Variants in NOS1AP observed in about 807,000 individuals in gnomAD.
NOS1AP encodes carboxyl-terminal PDZ ligand of neuronal nitric oxide synthase protein.
In NOS1AP, 21 loss-of-function variants were observed where a neutral mutation model predicts 56.2. That is an observed-to-expected ratio of 0.37 (90% CI 0.26 to 0.54). The LOEUF is 0.54. Among genes scored for constraint, NOS1AP ranks in the 20% least tolerant of loss-of-function variants. NOS1AP has a pLI of 0.84. For missense variants in NOS1AP, 522 were observed against 657.8 expected (o/e 0.79, Z 2.26); for synonymous variants, 270 against 274.6 (o/e 0.98, Z 0.17).
intron 6 of NOS1AP, among the ~76,000 whole-genome samples, chr1:162,346,532 T>G (rs1439935435): frequency 6.6e-6 from 1 of 152,222 alleles, no homozygotes; most frequent in African/African-American, 2.4e-5. Context: ...TAGGTATATA[T>G]GTATACACAT....
intron 1 of NOS1AP, among the ~76,000 whole-genome samples, chr1:162,145,101 A>C (rs1255131606): frequency 6.6e-6 from 1 of 152,220 alleles, no homozygotes; most frequent in Non-Finnish European, 1.5e-5. Flanking sequence ...ACACAGTTGC[A>C]TCAGATGGCC....
chr1:162,367,699 T>C lies in NOS1AP; in HGVS notation c.*232T>C. 1.8e-6 allele frequency: 1 copy of C among 567,902 alleles called. No homozygotes were observed. Among genetic ancestry groups the C allele is most frequent in the South Asian group, 2.2e-5 (1 of 45,968 alleles). 35.2% of individuals were successfully genotyped at this position (567,902 alleles called of 1,614,324 possible). On this transcript the variant is annotated 3_prime_UTR_variant, in exon 10 of 10. Coordinates refer to ENST00000361897, the MANE Select transcript of NOS1AP (RefSeq NM_014697.3). This position sits in a 1 kb window ranked among gnomAD's most constrained non-coding sequence, Gnocchi z 6.5. ...TCCTCTCCTACTTGTGACTAGAGGG[T>C]GGTGGAGGTAAGGCCTTCCAGAGCC...
intron 2 of NOS1AP, among the ~76,000 whole-genome samples, chr1:162,166,728 A>G (rs780401855): frequency 3.3e-5 from 5 of 152,198 alleles, no homozygotes; most frequent in Non-Finnish European, 7.3e-5. Flanking sequence ...AAAATGGACA[A>G]TGTCAACCCT....
intron 1 of NOS1AP, among the ~76,000 whole-genome samples, chr1:162,091,105 A>G (rs964090903): frequency 3.3e-5 from 5 of 151,994 alleles, no homozygotes; most frequent in African/African-American, 1.2e-4. Flanking sequence ...TTCTGTTTCC[A>G]TCTCTCTCTT....
chr1:162,301,575 C>A (rs1430445589), intron 4 of NOS1AP, among the ~76,000 whole-genome samples: 1 of 152,166 alleles, frequency 6.6e-6, no homozygotes, highest in Non-Finnish European at 1.5e-5. Context: ...TAGATGGCTG[C>A]CAACCATGTG....
At chr1:162,294,774 G>A (rs1177600818) in intron 3 of NOS1AP, among the ~76,000 whole-genome samples, 1 of 152,190 alleles carries the variant, frequency 6.6e-6, no homozygotes, top group African/African-American at 2.4e-5. Context: ...AGGAGTAAGA[G>A]AAAGGAGTTA....
rs1455457364 is a variant in NOS1AP, at chr1:162,368,996, A to G, written c.*1529A>G. 6.6e-6 allele frequency: 1 copy of G among 152,230 alleles called. No homozygotes were observed. Among genetic ancestry groups the G allele is most frequent in the Non-Finnish European group, 1.5e-5 (1 of 68,038 alleles). The allele number at this position is 152,230 out of a possible 1,614,324, so 9.4% of individuals were successfully genotyped here. Reference sequence around the variant, plus strand: ...TTGTAGCCCAGAAAGTCCAAATTAAAGGAAATAAATTCAGTTTTATGTTAG... The same window carrying G: ...TTGTAGCCCAGAAAGTCCAAATTAAGGGAAATAAATTCAGTTTTATGTTAG... On this transcript the variant is annotated 3_prime_UTR_variant, in exon 10 of 10. Transcript: ENST00000361897.
At chr1:162,089,592 G>A (rs1463687594) in intron 1 of NOS1AP, among the ~76,000 whole-genome samples, 1 of 152,104 alleles carries the variant, frequency 6.6e-6, no homozygotes, top group Non-Finnish European at 1.5e-5. Flanking sequence ...ATGTGATTAA[G>A]TTTAGGATCT....
chr1:162,362,294 T>A (rs1326645437), intron 8 of NOS1AP, among the ~76,000 whole-genome samples: 1 of 151,994 alleles, frequency 6.6e-6, no homozygotes, highest in Non-Finnish European at 1.5e-5. Flanking sequence ...CTACTAAAAA[T>A]ACAAAAATTA....
At chr1:162,260,960 T>TGGAA (rs1654191351) in intron 2 of NOS1AP, among the ~76,000 whole-genome samples, 2 of 99,820 alleles carry the variant, frequency 2.0e-5, no homozygotes, top group Admixed American at 2.4e-4. Flanking sequence ...GATGATTTCC[T>TGGAA]CAAAGTTTCA....
chr1:162,182,000 C>T (rs1651279906), intron 2 of NOS1AP, among the ~76,000 whole-genome samples: 1 of 152,168 alleles, frequency 6.6e-6, no homozygotes, highest in South Asian at 2.1e-4. Context: ...TTGTATTTTT[C>T]ACAGTGCTTC....
Position 162,243,076 on chromosome 1 carries a change from G to T in NOS1AP, c.178-44268G>T, listed in dbSNP as rs573654159. On this transcript the variant is annotated intron_variant, in intron 2 of 9. Coordinates refer to ENST00000361897, the MANE Select transcript of NOS1AP (RefSeq NM_014697.3). ...ATGATTGTCCCTAAGGGAGCCTACTGTTCTCAGTCTTCAAGCTGGTAATGA... is the reference window on the plus strand; with the variant it reads ...ATGATTGTCCCTAAGGGAGCCTACTTTTCTCAGTCTTCAAGCTGGTAATGA... 3.9e-5 allele frequency among the ~76,000 whole-genome samples: 6 copies of T among 152,310 alleles called. No homozygotes were observed. In the East Asian group the frequency reaches 7.7e-4, roughly 20 times the overall value.
chr1:162,330,725 G>A (rs1656739190), intron 4 of NOS1AP, among the ~76,000 whole-genome samples: 1 of 152,196 alleles, frequency 6.6e-6, no homozygotes, highest in Non-Finnish European at 1.5e-5. Flanking sequence ...GTAGAGAATG[G>A]GTTGACAATA....
intron 3 of NOS1AP, among the ~76,000 whole-genome samples, chr1:162,294,196 TAAGG>T (rs1193084437): frequency 0.011 from 957 of 88,292 alleles, 12 homozygotes; most frequent in African/African-American, 0.028. Flanking sequence ...AGGAAGGAAG[TAAGG>T]AAGGAAGGAA....
intron 1 of NOS1AP, among the ~76,000 whole-genome samples, chr1:162,147,331 C>CAAAAAAAA (rs572205161): frequency 2.7e-5 from 2 of 74,860 alleles, no homozygotes; most frequent in East Asian, 4.3e-4. Context: ...GACTCCGTCT[C>CAAAAAAAA]AAAAAAAAAA....
intron 2 of NOS1AP, among the ~76,000 whole-genome samples, chr1:162,217,899 A>G (rs961040332): frequency 6.6e-6 from 1 of 152,182 alleles, no homozygotes; most frequent in Non-Finnish European, 1.5e-5. Context: ...ATACAGTGGT[A>G]GGAATAATAA....
chr1:162,344,223 A>G (rs984378764), intron 6 of NOS1AP, among the ~76,000 whole-genome samples: 3 of 152,220 alleles, frequency 2.0e-5, no homozygotes, highest in Non-Finnish European at 4.4e-5. Context: ...GAGCTGCTAT[A>G]CTACCAAATC....
At chr1:162,284,133 G>A (rs955142324) in intron 2 of NOS1AP, among the ~76,000 whole-genome samples, 1 of 152,116 alleles carries the variant, frequency 6.6e-6, no homozygotes, top group Non-Finnish European at 1.5e-5. Flanking sequence ...CCATTCTTGT[G>A]GTTACTCCAT....
At chr1:162,165,733 T>C (rs1571085653) in intron 2 of NOS1AP, among the ~76,000 whole-genome samples, 1 of 152,310 alleles carries the variant, frequency 6.6e-6, no homozygotes, top group East Asian at 1.9e-4. Context: ...TCTGTGTCCC[T>C]GATTGTGCCT....
Sources: allele counts gnomAD v4.1 joint callset (sites outside exome capture counted in the v4.1 genomes callset), GRCh38; gene constraint gnomAD v4.1.1; non-coding constraint Gnocchi (gnomAD v3.1); transcripts MANE v1.5; gene names NCBI Gene and HGNC (gene_info 2026-07-23, HGNC 2026-07-21).